Variants in RBM23 observed in about 807,000 individuals in gnomAD.
RBM23 encodes probable RNA-binding protein 23.
RBM23 carries 53 observed loss-of-function variants against 56.2 expected under a neutral mutation model. The ratio of observed to expected loss-of-function variants is 0.94; its 90% CI spans 0.76 to 1.19. The LOEUF (loss-of-function observed/expected upper bound fraction) is 1.19. Among genes scored for constraint, RBM23 ranks in the 50% most tolerant of loss-of-function variants. The pLI, the probability that RBM23 is intolerant of heterozygous loss-of-function variation, is 0.00. For synonymous variants in RBM23, 197 were observed against 198.5 expected (o/e 0.99, Z 0.06); for missense variants, 642 against 590.3 (o/e 1.09, Z -0.91).
chr14:22,901,406 G>A lies in RBM23; in HGVS notation c.*324C>T, dbSNP rs2040472437. 2 of 485,312 alleles carry A rather than the reference G, an allele frequency of 4.1e-6. No homozygotes were observed. Among genetic ancestry groups the A allele is most frequent in the Admixed American group, 3.6e-5 (1 of 27,992 alleles). 30.1% of individuals were successfully genotyped at this position (485,312 alleles called of 1,614,324 possible). A position where few individuals can be genotyped will look rare whatever the true frequency, so the allele number is the denominator to read the frequency against. On this transcript the variant is annotated 3_prime_UTR_variant, in exon 14 of 14. Coordinates refer to ENST00000359890, the MANE Select transcript of RBM23 (RefSeq NM_001077351.2). ...AGTATGCCCTATGGCCTTCCCAATGGGGGAGAAATTGAGGAATCACTAAGG... is the reference window on the plus strand; with the variant it reads ...AGTATGCCCTATGGCCTTCCCAATGAGGGAGAAATTGAGGAATCACTAAGG...
At chr14:22,910,151 C>CAAAAAAAAAAAAAAA in intron 2 of RBM23, among the ~76,000 whole-genome samples, 191 of 16,700 alleles carry the variant, frequency 0.011, 38 homozygotes, top group East Asian at 0.017. Context: ...GACTCTGTCT[C>CAAAAAAAAAAAAAAA]AAAAAAAAAA....
chr14:22,917,556 CT>C (rs1795627613), intron 1 of RBM23: 1 of 96,224 alleles, frequency 1.0e-5, no homozygotes, highest in South Asian at 5.1e-4. Flanking sequence ...GTAGTTTTTT[CT>C]TTTTTCTTCT....
At chr14:22,916,245 T>A (rs1030858979) in intron 1 of RBM23, among the ~76,000 whole-genome samples, 9 of 150,868 alleles carry the variant, frequency 6.0e-5, no homozygotes, top group African/African-American at 2.2e-4. Flanking sequence ...GTCACACAGC[T>A]CAAAGGGAAG....
At chr14:22,902,968 G>C (rs1054461399) in intron 10 of RBM23, 1 of 695,406 alleles carries the variant, frequency 1.4e-6, no homozygotes, top group Non-Finnish European at 1.8e-6. Flanking sequence ...TTTTAGTAGA[G>C]ATGGGGTTTC....
At chr14:22,912,441 G>A (rs950681642) in intron 1 of RBM23, among the ~76,000 whole-genome samples, 5 of 152,082 alleles carry the variant, frequency 3.3e-5, no homozygotes, top group African/African-American at 1.2e-4. Context: ...TCTCTGGCAG[G>A]CAAGGTAAAA....
intron 10 of RBM23, chr14:22,903,867 G>A: frequency 2.6e-6 from 3 of 1,151,422 alleles, no homozygotes; most frequent in East Asian, 1.2e-4. Context: ...TAGCACCAGA[G>A]GGAAGTATAA....
chr14:22,898,638 G>C lies in RBM23; in HGVS notation c.*3092C>G, dbSNP rs1406425663. 2.6e-5 allele frequency: 4 copies of C among 151,762 alleles called. No individual in the cohort carries two copies. The highest frequency in any genetic ancestry group is 2.1e-4 in the South Asian group (1 of 4,812). 9.4% of individuals were successfully genotyped at this position (151,762 alleles called of 1,614,324 possible). On this transcript the variant is annotated 3_prime_UTR_variant, in exon 14 of 14. Transcript: ENST00000359890. ...TAGATACGTCCTTACTTCCAACATT[G>C]TCTCTCTCCCAGCAAGAGGCTATGT...
rs2040282197 is a variant in RBM23, at chr14:22,898,417, C to T, written c.*3313G>A. ...AATGTCACCCCTACGCCACCAGCCA[C>T]CATGTGCAGGTAGATGTTGAGGGAA... is the stretch of plus-strand genomic sequence containing the variant. On this transcript the variant is annotated 3_prime_UTR_variant, in exon 14 of 14. Coordinates refer to ENST00000359890, the MANE Select transcript of RBM23 (RefSeq NM_001077351.2). The T allele has an allele frequency of 6.6e-6, 1 of 152,158 alleles. No individual in the cohort carries two copies. Among genetic ancestry groups the T allele is most frequent in the Non-Finnish European group, 1.5e-5 (1 of 68,036 alleles). 9.4% of individuals were successfully genotyped at this position (152,158 alleles called of 1,614,324 possible). A position where few individuals can be genotyped will look rare whatever the true frequency, so the allele number is the denominator to read the frequency against.
In RBM23 at chr14:22,908,343, T is replaced by C. The variant is rs1415781903; in HGVS notation, c.217A>G (p.Arg73Gly). The change falls in exon 4 of 14, where the codon AGA (arginine) becomes GGA (glycine). Residue 73 changes from arginine (R) to glycine (G), a missense_variant. By Grantham distance (125) the Arg-to-Gly change is moderately radical (BLOSUM62 -2). Coordinates refer to ENST00000359890, the MANE Select transcript of RBM23 (RefSeq NM_001077351.2). ...RSRSHNKSRD[R>G]KRSRSRDRDR... The stretch of plus-strand genomic sequence containing the variant: ...CCCAGAATTACTGACCTGCGCTTTC[T>C]ATCCCTGCTTTTATTATGGCTCCGA... 6.5e-7 allele frequency: 1 copy of C among 1,549,884 alleles called. No individual in the cohort carries two copies. The highest frequency in any genetic ancestry group is 2.4e-5 in the East Asian group (1 of 40,916).
chr14:22,914,414 C>A (rs986540261), intron 1 of RBM23, among the ~76,000 whole-genome samples: 1 of 151,722 alleles, frequency 6.6e-6, no homozygotes, highest in African/African-American at 2.4e-5. Flanking sequence ...ATTGCTTGAA[C>A]CCAGAGGGCA....
chr14:22,908,091 G>A (rs991202523), intron 4 of RBM23, among the ~76,000 whole-genome samples: 1 of 152,068 alleles, frequency 6.6e-6, no homozygotes, highest in African/African-American at 2.4e-5. Context: ...TGCAATCTCG[G>A]CTCACTGCAA....
At chr14:22,907,370 T>C (rs2138993660) in intron 4 of RBM23, among the ~76,000 whole-genome samples, 3 of 151,666 alleles carry the variant, frequency 2.0e-5, no homozygotes, top group East Asian at 3.9e-4. Context: ...TAAGACCCAG[T>C]GTTCAACAAA....
In RBM23 at chr14:22,895,545, T is replaced by C. The variant is rs2040235114; in HGVS notation, c.*6185A>G. ...GGCTCACACCTATAATCCTAGCACT[T>C]TGGGAGGCTAAGGAGGGAGGATCAC... On this transcript the variant is annotated 3_prime_UTR_variant, in exon 14 of 14. Coordinates refer to ENST00000359890, the MANE Select transcript of RBM23 (RefSeq NM_001077351.2). The C allele has an allele frequency of 6.6e-6, 1 of 151,992 alleles. No homozygotes were observed. The allele number at this position is 151,992 out of a possible 1,614,324, so 9.4% of individuals were successfully genotyped here.
At chr14:22,914,023 CAAA>C (rs71272859) in intron 1 of RBM23, 10 of 101,684 alleles carry the variant, frequency 9.8e-5, no homozygotes, top group South Asian at 3.1e-4. Context: ...GACTCTGTCT[CAAA>C]AAAAAAAAAA....
At chr14:22,903,515 A>C in intron 10 of RBM23, 1 of 986,240 alleles carries the variant, frequency 1.0e-6, no homozygotes. Context: ...GTTCCTAGGC[A>C]GGTGTTATAC....
chr14:22,907,609 C>T (rs902246105), intron 4 of RBM23, among the ~76,000 whole-genome samples: 48 of 152,152 alleles, frequency 3.2e-4, no homozygotes, highest in African/African-American at 4.8e-4. Context: ...AAAACAATTA[C>T]GTACAGTATA....
chr14:22,908,628 A>G, intron 3 of RBM23: 2 of 373,170 alleles, frequency 5.4e-6, no homozygotes, highest in South Asian at 6.5e-5. Flanking sequence ...CCCTGGCCTC[A>G]AGTGATCCAC....
rs116145741 is a variant in RBM23 at position 22,895,388 on chromosome 14, A to T, written c.*6342T>A. 0.015 allele frequency: 2,251 copies of T among 152,308 alleles called. 54 individuals are homozygous for T. Among genetic ancestry groups the T allele is most frequent in the African/African-American group, 0.05 (2,086 of 41,528 alleles). The allele number at this position is 152,308 out of a possible 1,614,324, so 9.4% of individuals were successfully genotyped here. On this transcript the variant is annotated 3_prime_UTR_variant, in exon 14 of 14. Transcript: ENST00000359890. Reference sequence around the variant, plus strand: ...GAAAAAATAAAAATAAATAAATAAAAAAAATACTTATTCAGAAAGGAAAAT... The same window carrying T: ...GAAAAAATAAAAATAAATAAATAAATAAAATACTTATTCAGAAAGGAAAAT...
intron 9 of RBM23, 72 bp from the exon 10 acceptor site, chr14:22,904,398 C>CTT (rs371371804): frequency 1.3e-3 from 1,350 of 1,012,048 alleles, no homozygotes; most frequent in South Asian, 3.0e-3. Context: ...ACCCAGACTG[C>CTT]TTTTTTTTTT....
Sources: allele counts gnomAD v4.1 joint callset (sites outside exome capture counted in the v4.1 genomes callset), GRCh38; gene constraint gnomAD v4.1.1; transcripts MANE v1.5; gene names NCBI Gene and HGNC (gene_info 2026-07-23, HGNC 2026-07-21).